SH3KBP1: variants seen among roughly 807,000 people sequenced by gnomAD.
SH3KBP1 encodes the protein SH3 domain containing kinase binding protein 1.
Under a neutral mutation model 50.1 loss-of-function variants are expected in SH3KBP1, and 8 were observed. The observed-to-expected ratio is 0.16, with a 90% confidence interval of 0.09 to 0.29. The LOEUF (loss-of-function observed/expected upper bound fraction) is 0.29, where lower values mean the gene tolerates loss of function less well. SH3KBP1 is among the 10% of genes least tolerant of loss of function. The probability of loss-of-function intolerance (pLI) is 1.00; values close to 1 mark genes in which losing one functional copy is unlikely to be tolerated. For synonymous variants in SH3KBP1, 227 were observed against 218.6 expected (o/e 1.04, Z -0.34); for missense variants, 377 against 535.2 (o/e 0.70, Z 2.92).
chrX:19,756,757 T>A (rs954052368), intron 2 of SH3KBP1, among the ~76,000 whole-genome samples: 2 of 110,616 alleles, frequency 1.8e-5, no homozygotes, highest in African/African-American at 6.6e-5. Context: ...CATAAATGTG[T>A]ATCAGTAGAG....
intron 2 of SH3KBP1, among the ~76,000 whole-genome samples, chrX:19,760,038 CTCCCTCTCTCTCT>C: frequency 1.5e-5 from 1 of 65,303 alleles, no homozygotes; most frequent in Non-Finnish European, 2.7e-5. Flanking sequence ...CTCTCTCTCT[CTCCCTCTCTCTCT>C]CTCTCTCTCT....
At chrX:19,873,698 A>G (rs1177223988) in intron 1 of SH3KBP1, among the ~76,000 whole-genome samples, 2 of 107,720 alleles carry the variant, frequency 1.9e-5, no homozygotes, top group Non-Finnish European at 3.8e-5. Flanking sequence ...AATAAAGAAA[A>G]CCTAAAAAGA....
At chrX:19,757,145 C>CTTTT (rs34733630) in intron 2 of SH3KBP1, among the ~76,000 whole-genome samples, 9 of 74,693 alleles carry the variant, frequency 1.2e-4, no homozygotes, top group African/African-American at 2.6e-4. Flanking sequence ...TTATTGACTG[C>CTTTT]TTTTTTTTTT....
chrX:19,746,448 G>A lies in SH3KBP1; in HGVS notation c.163-7C>T. The A allele has an allele frequency of 3.3e-6, 4 of 1,195,051 alleles. No homozygotes were observed. The highest frequency in any genetic ancestry group is 4.5e-6 in the Non-Finnish European group (4 of 888,312). On this transcript the variant is annotated splice_region_variant and splice_polypyrimidine_tract_variant and intron_variant, in intron 2 of 17. Transcript: ENST00000397821. ...TCATCTCTTTCTTTATTTCCTGTGA[G>A]GACAGATAAAAGGAAAACAAGATTA...
At chrX:19,793,305 G>GAAAA (rs1276369664) in intron 2 of SH3KBP1, among the ~76,000 whole-genome samples, 82 of 94,533 alleles carry the variant, frequency 8.7e-4, no homozygotes, top group African/African-American at 3.1e-3. Context: ...TTGTCTCAAG[G>GAAAA]AAAAAAAAAT....
chrX:19,549,338 T>A (rs543650171), intron 14 of SH3KBP1, among the ~76,000 whole-genome samples: 1 of 112,541 alleles, frequency 8.9e-6, no homozygotes, highest in South Asian at 3.6e-4. Flanking sequence ...CTTTCTTCTT[T>A]ATACATTTTG....
intron 9 of SH3KBP1, among the ~76,000 whole-genome samples, chrX:19,600,095 C>CAAAAAA (rs1218369399): frequency 7.3e-5 from 2 of 27,398 alleles, no homozygotes; most frequent in African/African-American, 2.8e-4. Context: ...GACTCCGTCT[C>CAAAAAA]AAAAAAAAAA....
At chrX:19,628,291 G>T (rs1569356858) in intron 8 of SH3KBP1, among the ~76,000 whole-genome samples, 2 of 111,574 alleles carry the variant, frequency 1.8e-5, no homozygotes. Context: ...CACTTCCAGG[G>T]CCCAAGAAAG....
chrX:19,553,599 G>A (rs944932155), intron 13 of SH3KBP1, among the ~76,000 whole-genome samples: 3 of 108,194 alleles, frequency 2.8e-5, no homozygotes, highest in African/African-American at 1.0e-4. Context: ...CTCCTAGCGG[G>A]ATGTGAGTAG....
At chrX:19,779,727 T>G (rs1167380133) in intron 2 of SH3KBP1, among the ~76,000 whole-genome samples, 1 of 107,124 alleles carries the variant, frequency 9.3e-6, no homozygotes, top group Non-Finnish European at 1.9e-5. Context: ...GATTTCCAAT[T>G]TCATCCATGT....
chrX:19,763,727 A>G (rs1177726360), intron 2 of SH3KBP1, among the ~76,000 whole-genome samples: 3 of 112,022 alleles, frequency 2.7e-5, no homozygotes, highest in Non-Finnish European at 5.6e-5. Flanking sequence ...GATTATTTTA[A>G]AAGTACAAAG....
At chrX:19,796,312 G>A (rs1480103264) in intron 2 of SH3KBP1, among the ~76,000 whole-genome samples, 1 of 111,768 alleles carries the variant, frequency 8.9e-6, no homozygotes, top group African/African-American at 3.3e-5. Context: ...TAACCTCAGT[G>A]AGCCTCCATT....
chrX:19,768,930 GTTTT>G (rs370447360), intron 2 of SH3KBP1, among the ~76,000 whole-genome samples: 1 of 104,083 alleles, frequency 9.6e-6, no homozygotes, highest in Non-Finnish European at 2.0e-5. Context: ...ACACATTTGG[GTTTT>G]TTTTTTTAAA....
chrX:19,755,921 G>A (rs1282567847), intron 2 of SH3KBP1, among the ~76,000 whole-genome samples: 2 of 111,485 alleles, frequency 1.8e-5, no homozygotes, highest in Non-Finnish European at 3.8e-5. Flanking sequence ...TGCTCAAATC[G>A]ATCATGACCC....
At chrX:19,569,272 G>C in intron 12 of SH3KBP1, 84 bp from the exon 13 acceptor site, 2 of 847,529 alleles carry the variant, frequency 2.4e-6, no homozygotes, top group Non-Finnish European at 3.5e-6. Flanking sequence ...CACACGTTAA[G>C]GAGTGTGCTG....
At chrX:19,762,206 A>G (rs1272763101) in intron 2 of SH3KBP1, among the ~76,000 whole-genome samples, 2 of 112,676 alleles carry the variant, frequency 1.8e-5, no homozygotes, top group Non-Finnish European at 3.7e-5. Context: ...TTACGGTTTG[A>G]CTGTAAAACA....
In SH3KBP1 at chrX:19,887,427, G is replaced by C; in HGVS notation, c.-117C>G. 1 of 611,473 alleles carries C rather than the reference G, an allele frequency of 1.6e-6. No homozygotes were observed. The highest frequency in any genetic ancestry group is 2.2e-6 in the Non-Finnish European group (1 of 464,297). 50.4% of individuals were successfully genotyped at this position (611,473 alleles called of 1,213,427 possible). Reference sequence around the variant, plus strand: ...CCAGGCGCGAGGGTCCGGACGCGGCGGCGGCTGGGCCGGCTTCTTCCTCAG... The same window carrying C: ...CCAGGCGCGAGGGTCCGGACGCGGCCGCGGCTGGGCCGGCTTCTTCCTCAG... On this transcript the variant is annotated 5_prime_UTR_variant, in exon 1 of 18. Transcript: ENST00000397821.
At position 19,682,333 on chromosome X, in the gene SH3KBP1, T is replaced by TACACACACACACAC. The variant is rs59044973; in HGVS notation, c.726+1476_726+1489dup. 2.9e-3 allele frequency among the ~76,000 whole-genome samples: 220 copies of TACACACACACACAC among 75,906 alleles called. 3 individuals carry two copies. Among genetic ancestry groups the TACACACACACACAC allele is most frequent in the African/African-American group, 9.9e-3 (208 of 20,946 alleles). The allele number at this position is 75,906 out of a possible 115,157, so 65.9% of individuals were successfully genotyped here. On this transcript the variant is annotated intron_variant, in intron 6 of 17. Coordinates refer to ENST00000397821, the MANE Select transcript of SH3KBP1 (RefSeq NM_031892.3). Reference sequence around the variant, plus strand: ...ATATTAATAGCAATAATAAGAGTCATACACACACACACACACACACACACA... The same window carrying TACACACACACACAC: ...ATATTAATAGCAATAATAAGAGTCATACACACACACACACACACACACACACACACACACACACA...
At chrX:19,758,283 G>A (rs1182088426) in intron 2 of SH3KBP1, among the ~76,000 whole-genome samples, 1 of 90,834 alleles carries the variant, frequency 1.1e-5, no homozygotes, top group African/African-American at 4.1e-5. Flanking sequence ...AACTGATATC[G>A]CACCACTGAA....
Sources: allele counts gnomAD v4.1 joint callset (sites outside exome capture counted in the v4.1 genomes callset), GRCh38; gene constraint gnomAD v4.1.1; transcripts MANE v1.5; gene names NCBI Gene and HGNC (gene_info 2026-07-23, HGNC 2026-07-21).